HS3ST4: variants seen among roughly 807,000 people sequenced by gnomAD.
HS3ST4 encodes heparan sulfate glucosamine 3-O-sulfotransferase 4.
HS3ST4 carries 17 observed loss-of-function variants against 29.2 expected under a neutral mutation model. The observed-to-expected ratio is 0.58, with a 90% CI of 0.40 to 0.87. The LOEUF is 0.87. HS3ST4 is among the 40% of genes least tolerant of loss of function. The probability of loss-of-function intolerance (pLI) is 0.00; values close to 1 mark genes in which losing one functional copy is unlikely to be tolerated. For synonymous variants in HS3ST4, 314 were observed against 285.7 expected, an observed-to-expected ratio of 1.10 and a Z score of -1.00; for missense variants, 627 against 634.5, an observed-to-expected ratio of 0.99 and a Z score of 0.13.
At position 26,121,270 on chromosome 16, in the gene HS3ST4, A is replaced by C. The variant is rs552523899; in HGVS notation, c.735-14342A>C. 7.9e-4 allele frequency among the ~76,000 whole-genome samples: 120 copies of C among 152,338 alleles called. 1 individual carries two copies. Among genetic ancestry groups the C allele is most frequent in the Non-Finnish European group, 1.3e-3 (88 of 68,044 alleles). On this transcript the variant is annotated intron_variant, in intron 1 of 1. Transcript: ENST00000331351. ...AAGACAGAGCTTAGGAGGCATAGCTATAAGCAGTCAATAAGTGATTTTCTG... is the reference window on the plus strand; with the variant it reads ...AAGACAGAGCTTAGGAGGCATAGCTCTAAGCAGTCAATAAGTGATTTTCTG...
intron 1 of HS3ST4, among the ~76,000 whole-genome samples, chr16:25,956,079 G>C (rs1389174733): frequency 6.6e-6 from 1 of 152,126 alleles, no homozygotes; most frequent in East Asian, 1.9e-4. Flanking sequence ...GCCTCCCAAA[G>C]TGCTGGGATT....
intron 1 of HS3ST4, among the ~76,000 whole-genome samples, chr16:25,994,260 C>G (rs550718169): frequency 6.6e-6 from 1 of 151,970 alleles, no homozygotes; most frequent in Non-Finnish European, 1.5e-5. Context: ...CTTTATAATA[C>G]GTTTTTCTTT....
chr16:25,799,476 C>T (rs1259398016), intron 1 of HS3ST4, among the ~76,000 whole-genome samples: 2 of 152,106 alleles, frequency 1.3e-5, no homozygotes, highest in Non-Finnish European at 2.9e-5. Flanking sequence ...AATTTTATGA[C>T]CCAGTTGTTA....
At chr16:25,819,397 T>G (rs1200822200) in intron 1 of HS3ST4, among the ~76,000 whole-genome samples, 1 of 152,190 alleles carries the variant, frequency 6.6e-6, no homozygotes, top group Non-Finnish European at 1.5e-5. Context: ...ACGTGACTGG[T>G]CTGCAGAAAG....
At chr16:25,976,566 G>C (rs1199288142) in intron 1 of HS3ST4, among the ~76,000 whole-genome samples, 1 of 152,136 alleles carries the variant, frequency 6.6e-6, no homozygotes, top group Non-Finnish European at 1.5e-5. Context: ...GGTGTATGGC[G>C]GTGGGGGTTT....
intron 1 of HS3ST4, among the ~76,000 whole-genome samples, chr16:25,929,474 A>G (rs1361159292): frequency 2.6e-5 from 4 of 152,218 alleles, no homozygotes; most frequent in Admixed American, 6.5e-5. Flanking sequence ...CCTACCTTCT[A>G]ATCACACATC....
intron 1 of HS3ST4, among the ~76,000 whole-genome samples, chr16:25,776,099 G>A (rs962036551): frequency 6.6e-6 from 1 of 152,106 alleles, no homozygotes; most frequent in South Asian, 2.1e-4. Context: ...ACTGATGGCT[G>A]GTTCCTCCTC....
At chr16:25,977,109 C>CT (rs1456122216) in intron 1 of HS3ST4, among the ~76,000 whole-genome samples, 1 of 152,072 alleles carries the variant, frequency 6.6e-6, no homozygotes. Flanking sequence ...GTGGCACAGA[C>CT]TAAGTGCTTA....
intron 1 of HS3ST4, among the ~76,000 whole-genome samples, chr16:25,823,421 G>A (rs1967182936): frequency 6.6e-6 from 1 of 152,158 alleles, no homozygotes; most frequent in Admixed American, 6.5e-5. Flanking sequence ...CAGGTAAAAG[G>A]AATTGCAGGG....
chr16:26,014,073 C>T (rs1567293791), intron 1 of HS3ST4, among the ~76,000 whole-genome samples: 1 of 150,446 alleles, frequency 6.6e-6, no homozygotes, highest in Non-Finnish European at 1.5e-5. Context: ...AAAACACCCA[C>T]TCCTACTCCT....
At chr16:25,861,114 A>G (rs1967632059) in intron 1 of HS3ST4, among the ~76,000 whole-genome samples, 1 of 152,202 alleles carries the variant, frequency 6.6e-6, no homozygotes, top group Non-Finnish European at 1.5e-5. Context: ...TAGGGTGCAG[A>G]TGTGATTTCT....
chr16:25,714,411 T>C (rs1037991068), intron 1 of HS3ST4, among the ~76,000 whole-genome samples: 9 of 152,216 alleles, frequency 5.9e-5, no homozygotes, highest in African/African-American at 2.2e-4. Flanking sequence ...TGAACACGGC[T>C]GCTGATCCCT....
chr16:25,859,831 C>T (rs909822872), intron 1 of HS3ST4, among the ~76,000 whole-genome samples: 5 of 152,132 alleles, frequency 3.3e-5, no homozygotes, highest in African/African-American at 1.2e-4. Flanking sequence ...CACTACACAC[C>T]TATTAGCAGG....
chr16:25,719,102 C>CT lies in HS3ST4; in HGVS notation c.734+25956dup, dbSNP rs529766155. On this transcript the variant is annotated intron_variant, in intron 1 of 1. Transcript: ENST00000331351. ...TAGATGTAGCTGGAGAAAGAGTTGA[C>CT]TTTTTAAAGATATGTCTTAACATCG... Among the ~76,000 whole-genome samples, 336 of 152,280 alleles carry CT rather than the reference C, an allele frequency of 2.2e-3. 1 individual carries two copies. The highest frequency in any genetic ancestry group is 4.3e-3 in the South Asian group (21 of 4,828).
intron 1 of HS3ST4, among the ~76,000 whole-genome samples, chr16:25,790,268 G>A (rs1322579968): frequency 6.6e-6 from 1 of 152,144 alleles, no homozygotes; most frequent in Non-Finnish European, 1.5e-5. Context: ...AAATTAGCTG[G>A]ATGTGATGGC....
chr16:25,894,558 T>G (rs1013975963), intron 1 of HS3ST4, among the ~76,000 whole-genome samples: 1 of 151,050 alleles, frequency 6.6e-6, no homozygotes, highest in Non-Finnish European at 1.5e-5. Flanking sequence ...CAGGCTGGAG[T>G]GCAATGGTGC....
intron 1 of HS3ST4, among the ~76,000 whole-genome samples, chr16:25,966,506 C>G (rs1357655390): frequency 6.6e-6 from 1 of 152,138 alleles, no homozygotes; most frequent in Non-Finnish European, 1.5e-5. Flanking sequence ...CTGAGGTGCT[C>G]TATTGCTTGC....
intron 1 of HS3ST4, among the ~76,000 whole-genome samples, chr16:25,918,559 T>C (rs1968315448): frequency 6.6e-6 from 1 of 152,188 alleles, no homozygotes; most frequent in East Asian, 1.9e-4. Flanking sequence ...GCCAATGGAC[T>C]GAAATCTGAA....
At chr16:25,826,784 G>A (rs955601666) in intron 1 of HS3ST4, among the ~76,000 whole-genome samples, 4 of 152,112 alleles carry the variant, frequency 2.6e-5, no homozygotes, top group Admixed American at 6.5e-5. Context: ...GTAATTTCCC[G>A]GGTGATTTTA....
Sources: gnomAD v4.1 joint callset for allele counts (sites outside exome capture counted in the v4.1 genomes callset) on GRCh38, gnomAD v4.1.1 for gene constraint, MANE v1.5 for transcripts, NCBI Gene and HGNC (gene_info 2026-07-23, HGNC 2026-07-21) for gene names.